Variants in OSBPL10 observed in about 807,000 individuals in gnomAD.
OSBPL10 encodes oxysterol binding protein like 10.
Under a neutral mutation model 81.7 loss-of-function variants are expected in OSBPL10, and 49 were observed. That is an observed-to-expected ratio of 0.60 (90% CI 0.48 to 0.76). The LOEUF (loss-of-function observed/expected upper bound fraction) is 0.76, where lower values mean the gene tolerates loss of function less well. Among genes scored for constraint, OSBPL10 ranks in the 30% least tolerant of loss-of-function variants. The pLI is 0.00. For synonymous variants in OSBPL10, 419 were observed against 383.6 expected, an observed-to-expected ratio of 1.09 and a Z score of -1.08; for missense variants, 923 against 987.8, an observed-to-expected ratio of 0.93 and a Z score of 0.88.
At position 32,030,228 on chromosome 3, in the gene OSBPL10, G is replaced by A. The variant is rs189804260; in HGVS notation, n.298+16263C>T. 6 of 282,196 alleles carry A rather than the reference G, an allele frequency of 2.1e-5. No individual in the cohort carries two copies. The East Asian group carries it at 2.5e-4, about 12-fold the overall frequency. The allele number at this position is 282,196 out of a possible 1,614,324, so 17.5% of individuals were successfully genotyped here. A position where few individuals can be genotyped will look rare whatever the true frequency, so the allele number is the denominator to read the frequency against. Reference sequence around the variant, plus strand: ...ACGCCAAGGGAAAGAGGAGAGACACGTGATACATGTTCTCCAGGCCTTTTA... The same window carrying A: ...ACGCCAAGGGAAAGAGGAGAGACACATGATACATGTTCTCCAGGCCTTTTA... On this transcript the variant is annotated intron_variant and non_coding_transcript_variant, in intron 2 of 3. Coordinates refer to the OSBPL10 transcript ENST00000479173.
intron 4 of OSBPL10, among the ~76,000 whole-genome samples, chr3:31,782,150 A>G (rs1004250359): frequency 3.3e-5 from 5 of 152,202 alleles, no homozygotes; most frequent in Admixed American, 6.5e-5. Context: ...ATAAAGTCAA[A>G]TACAGCCAAC....
At chr3:31,778,640 A>G (rs1049140108) in intron 4 of OSBPL10, among the ~76,000 whole-genome samples, 1 of 152,200 alleles carries the variant, frequency 6.6e-6, no homozygotes, top group African/African-American at 2.4e-5. Flanking sequence ...ATTTGAGGCA[A>G]TAATCGAGAA....
intron 3 of OSBPL10, among the ~76,000 whole-genome samples, chr3:31,848,232 C>T (rs1283457998): frequency 6.6e-6 from 1 of 152,016 alleles, no homozygotes; most frequent in African/African-American, 2.4e-5. Flanking sequence ...TTAAGTTTAC[C>T]TCTTGGTGAA....
chr3:31,879,186 C>A (rs1575596317), intron 2 of OSBPL10, among the ~76,000 whole-genome samples: 1 of 152,238 alleles, frequency 6.6e-6, no homozygotes, highest in Admixed American at 6.5e-5. Flanking sequence ...TTCCAGTTGG[C>A]TTCTCACCAG....
chr3:31,719,330 T>C (rs1696559079), intron 6 of OSBPL10, among the ~76,000 whole-genome samples: 1 of 152,220 alleles, frequency 6.6e-6, no homozygotes, highest in South Asian at 2.1e-4. Context: ...TATTAAAAAT[T>C]CACTGGCTTT....
intron 2 of OSBPL10, among the ~76,000 whole-genome samples, chr3:32,043,403 A>G (rs1467463761): frequency 6.6e-6 from 1 of 152,196 alleles, no homozygotes; most frequent in African/African-American, 2.4e-5. Context: ...TTGTTCAAAC[A>G]CACATGTTTT....
intron 4 of OSBPL10, among the ~76,000 whole-genome samples, chr3:31,807,213 C>G (rs778353578): frequency 9.9e-5 from 15 of 151,722 alleles, no homozygotes; most frequent in Non-Finnish European, 2.1e-4. Context: ...AACCCTGTCT[C>G]TACTGAAAAT....
At chr3:31,805,000 G>C (rs1386509985) in intron 4 of OSBPL10, among the ~76,000 whole-genome samples, 3 of 152,072 alleles carry the variant, frequency 2.0e-5, no homozygotes, top group Non-Finnish European at 4.4e-5. Context: ...CTTTCCCTAT[G>C]GTTTTCAAAA....
At chr3:31,910,887 C>T (rs138973507) in intron 1 of OSBPL10, among the ~76,000 whole-genome samples, 1 of 152,006 alleles carries the variant, frequency 6.6e-6, no homozygotes, top group Non-Finnish European at 1.5e-5. Context: ...ATTAAAGGAC[C>T]CCCTACTTCC....
chr3:32,030,045 A>G (rs1186837588), intron 2 of OSBPL10, among the ~76,000 whole-genome samples: 1 of 152,240 alleles, frequency 6.6e-6, no homozygotes, highest in Non-Finnish European at 1.5e-5. Context: ...AATAAAACAG[A>G]AGAGACTGAG....
At chr3:31,706,553 A>G (rs1055105345) in intron 6 of OSBPL10, among the ~76,000 whole-genome samples, 1 of 151,864 alleles carries the variant, frequency 6.6e-6, no homozygotes, top group South Asian at 2.1e-4. Flanking sequence ...TAGTAAGGAG[A>G]AGGAGATATA....
At chr3:32,052,245 A>G (rs1699675617) in intron 1 of OSBPL10, among the ~76,000 whole-genome samples, 1 of 147,834 alleles carries the variant, frequency 6.8e-6, no homozygotes, top group Non-Finnish European at 1.5e-5. Flanking sequence ...AGATCCTGTC[A>G]CAAAAAAAAA....
chr3:32,024,389 A>G lies in OSBPL10; in HGVS notation n.298+22102T>C, dbSNP rs1699384251. On this transcript the variant is annotated intron_variant and non_coding_transcript_variant, in intron 2 of 3. Coordinates refer to the OSBPL10 transcript ENST00000479173. ...AATTTCTCTCAGCAATATTTTCAAT[A>G]TTTTGTTGTTTTCAGTGTATATATC... Among the ~76,000 whole-genome samples, 3 of 148,574 alleles carry G rather than the reference A, an allele frequency of 2.0e-5. No individual in the cohort carries two copies. The South Asian group carries it at 6.3e-4, about 31-fold the overall frequency.
chr3:31,673,760 T>C (rs1700384048), intron 8 of OSBPL10, among the ~76,000 whole-genome samples: 1 of 152,166 alleles, frequency 6.6e-6, no homozygotes, highest in Non-Finnish European at 1.5e-5. Flanking sequence ...TAGTGATATA[T>C]GGGATGACAC....
At chr3:31,673,921 C>T (rs1216134565) in intron 8 of OSBPL10, among the ~76,000 whole-genome samples, 1 of 151,836 alleles carries the variant, frequency 6.6e-6, no homozygotes, top group African/African-American at 2.4e-5. Context: ...GCTGGGACTA[C>T]AAGCATGCAC....
intron 4 of OSBPL10, among the ~76,000 whole-genome samples, chr3:31,828,356 T>C (rs1004611175): frequency 2.6e-5 from 4 of 152,218 alleles, no homozygotes; most frequent in Admixed American, 6.5e-5. Context: ...AAAGTTGGAA[T>C]TGTTAAAGTA....
intron 4 of OSBPL10, among the ~76,000 whole-genome samples, chr3:31,780,136 C>T (rs928540874): frequency 3.9e-5 from 6 of 151,972 alleles, no homozygotes; most frequent in African/African-American, 1.5e-4. Context: ...ACTAAAAATA[C>T]AAAAAGATTA....
rs544710491 is a variant in OSBPL10 at position 31,859,121 on chromosome 3, A to T, written c.537+17312T>A. ...CTGAGTTACTTGAGATTACAAAGCT[A>T]GGTAGTAGCCTGTGAGTGGCCCAGG... On this transcript the variant is annotated intron_variant, in intron 3 of 11. Coordinates refer to ENST00000396556, the MANE Select transcript of OSBPL10 (RefSeq NM_017784.5). Among the ~76,000 whole-genome samples, 3 of 152,356 alleles carry T rather than the reference A, an allele frequency of 2.0e-5. No individual in the cohort carries two copies. In the South Asian group the frequency reaches 6.2e-4, roughly 32 times the overall value.
intron 4 of OSBPL10, among the ~76,000 whole-genome samples, chr3:31,774,098 G>T (rs1045178969): frequency 1.3e-5 from 2 of 150,496 alleles, no homozygotes; most frequent in Non-Finnish European, 2.9e-5. Flanking sequence ...GGAGGCGGAG[G>T]TTGCAGTGAG....
Sources: allele counts gnomAD v4.1 joint callset (sites outside exome capture counted in the v4.1 genomes callset), GRCh38; gene constraint gnomAD v4.1.1; transcripts MANE v1.5; gene names NCBI Gene and HGNC (gene_info 2026-07-23, HGNC 2026-07-21).